The following SYNPO2 variants were observed in gnomAD, a reference collection of about 807,000 sequenced individuals.
SYNPO2 encodes synaptopodin-2.
In SYNPO2, 56 loss-of-function variants were observed where a neutral mutation model predicts 85.0. The observed-to-expected ratio is 0.66, with a 90% CI of 0.53 to 0.82. The LOEUF (loss-of-function observed/expected upper bound fraction) is 0.82. Ranked by LOEUF, SYNPO2 falls within the 40% of genes least tolerant of loss-of-function variation. SYNPO2 has a pLI of 0.00. For missense variants in SYNPO2, 1,575 were observed against 1,534.2 expected, an observed-to-expected ratio of 1.03 and a Z score of -0.44; for synonymous variants, 602 against 591.1, an observed-to-expected ratio of 1.02 and a Z score of -0.27.
intron 1 of SYNPO2, among the ~76,000 whole-genome samples, chr4:119,014,973 A>C (rs1737472759): frequency 6.6e-6 from 1 of 152,240 alleles, no homozygotes; most frequent in Non-Finnish European, 1.5e-5. Context: ...TGTTCAGTGC[A>C]GTCAACTTAA....
At chr4:118,881,569 C>T (rs115912423) in intron 1 of SYNPO2, among the ~76,000 whole-genome samples, 2,001 of 152,304 alleles carry the variant, frequency 0.013, 54 homozygotes, top group African/African-American at 0.046. Flanking sequence ...GGGAGCAAGG[C>T]AACAGCCCTG....
intron 1 of SYNPO2, among the ~76,000 whole-genome samples, chr4:118,860,134 GT>G (rs1731583134): frequency 6.6e-6 from 1 of 152,088 alleles, no homozygotes; most frequent in Admixed American, 6.5e-5. Context: ...TGATATTGTA[GT>G]TTTGATATGC....
At chr4:119,001,812 A>G (rs1736833603) in intron 1 of SYNPO2, among the ~76,000 whole-genome samples, 1 of 151,946 alleles carries the variant, frequency 6.6e-6, no homozygotes, top group South Asian at 2.1e-4. Context: ...ACCTTTGTCT[A>G]GTTTTCTTCT....
At chr4:118,978,083 T>C (rs892014042) in intron 1 of SYNPO2, among the ~76,000 whole-genome samples, 5 of 152,210 alleles carry the variant, frequency 3.3e-5, no homozygotes, top group African/African-American at 4.8e-5. Flanking sequence ...TTTTCTAAGA[T>C]CTTTGGGTGA....
At chr4:118,948,328 C>CT in intron 1 of SYNPO2, among the ~76,000 whole-genome samples, 1 of 152,194 alleles carries the variant, frequency 6.6e-6, no homozygotes, top group Non-Finnish European at 1.5e-5. Context: ...GAAGCAGACA[C>CT]TCAACAACCA....
intron 1 of SYNPO2, among the ~76,000 whole-genome samples, chr4:118,897,962 C>A (rs1732601674): frequency 6.6e-6 from 1 of 152,110 alleles, no homozygotes; most frequent in Non-Finnish European, 1.5e-5. Context: ...AATGTCAAAT[C>A]ATTTTATTTG....
In SYNPO2 at chr4:119,037,172, C is replaced by A. The variant is rs904646395; in HGVS notation, c.3252+5145C>A. 3.2e-6 allele frequency: 5 copies of A among 1,545,208 alleles called. No individual in the cohort carries two copies. The African/African-American group carries it at 4.1e-5, about 13-fold the overall frequency. On this transcript the variant is annotated intron_variant, in intron 4 of 4. Coordinates refer to ENST00000307142, the MANE Select transcript of SYNPO2 (RefSeq NM_133477.3). Reference sequence around the variant, plus strand: ...CATAAGGACCTACTTCCCAGCCTACCTTTCTTCCTCTACCTGATAATGATA... The same window carrying A: ...CATAAGGACCTACTTCCCAGCCTACATTTCTTCCTCTACCTGATAATGATA...
intron 1 of SYNPO2, among the ~76,000 whole-genome samples, chr4:118,870,906 T>A (rs574539449): frequency 2.6e-5 from 4 of 152,292 alleles, no homozygotes; most frequent in Admixed American, 1.3e-4. Flanking sequence ...AAAATTTTTT[T>A]AAAAAGCAGA....
At chr4:119,056,562 A>G (rs1739212577) in intron 4 of SYNPO2, among the ~76,000 whole-genome samples, 1 of 152,136 alleles carries the variant, frequency 6.6e-6, no homozygotes, top group African/African-American at 2.4e-5. Flanking sequence ...ACTCTATATA[A>G]TAATAATTAA....
rs191309808 is a variant in SYNPO2, at chr4:118,857,707, T to G, written c.12+6767T>G. Reference sequence around the variant, plus strand: ...TTCACTGTAAAGTTTAAGTTTGTACTTAATTTCTAATAGAGTAGAACGCTC... The same window carrying G: ...TTCACTGTAAAGTTTAAGTTTGTACGTAATTTCTAATAGAGTAGAACGCTC... On this transcript the variant is annotated intron_variant, in intron 1 of 4. Coordinates refer to the SYNPO2 transcript ENST00000610556. Among the ~76,000 whole-genome samples, 343 of 152,348 alleles carry G rather than the reference T, an allele frequency of 2.3e-3. 2 individuals are homozygous for G. Among genetic ancestry groups the G allele is most frequent in the Non-Finnish European group, 3.5e-3 (237 of 68,042 alleles).
chr4:118,947,656 G>T (rs1458908096), intron 1 of SYNPO2, among the ~76,000 whole-genome samples: 1 of 152,164 alleles, frequency 6.6e-6, no homozygotes, highest in Non-Finnish European at 1.5e-5. Flanking sequence ...TTCTGCTTTA[G>T]AATTGATTCT....
chr4:119,021,078 A>T (rs1435529335), intron 1 of SYNPO2, among the ~76,000 whole-genome samples: 1 of 152,196 alleles, frequency 6.6e-6, no homozygotes, highest in African/African-American at 2.4e-5. Flanking sequence ...ATTCTTCCCC[A>T]AGAGGTAATG....
chr4:118,959,485 A>T (rs2149146757), intron 1 of SYNPO2, among the ~76,000 whole-genome samples: 1 of 152,344 alleles, frequency 6.6e-6, no homozygotes, highest in Admixed American at 6.5e-5. Context: ...GTGGGTGATT[A>T]CCCGTGGGTT....
At chr4:119,033,590 C>T (rs1738375223) in intron 4 of SYNPO2, 1 of 985,242 alleles carries the variant, frequency 1.0e-6, no homozygotes, top group African/African-American at 1.7e-5. Context: ...GTTTAGAGAC[C>T]TCTCAGAAAA....
intron 1 of SYNPO2, among the ~76,000 whole-genome samples, chr4:118,985,953 C>T (rs1229299022): frequency 1.3e-5 from 2 of 152,184 alleles, no homozygotes; most frequent in African/African-American, 4.8e-5. Flanking sequence ...GTGAACAACT[C>T]TTCAGCAATC....
At chr4:118,881,229 G>C (rs1337876865) in intron 1 of SYNPO2, among the ~76,000 whole-genome samples, 2 of 151,574 alleles carry the variant, frequency 1.3e-5, no homozygotes, top group African/African-American at 4.8e-5. Context: ...ATGAACCCGG[G>C]AGGTGGAGGT....
intron 1 of SYNPO2, among the ~76,000 whole-genome samples, chr4:118,853,599 T>C (rs570382813): frequency 2.2e-4 from 29 of 132,708 alleles, no homozygotes; most frequent in African/African-American, 6.2e-4. Flanking sequence ...GAATAATTAA[T>C]GCCTCCTGTT....
At chr4:118,866,468 T>C (rs1731701797) in intron 1 of SYNPO2, among the ~76,000 whole-genome samples, 1 of 152,234 alleles carries the variant, frequency 6.6e-6, no homozygotes, top group Non-Finnish European at 1.5e-5. Context: ...GCTCATATTC[T>C]CAGTCTCTTG....
intron 1 of SYNPO2, among the ~76,000 whole-genome samples, chr4:118,966,276 G>C (rs1195253976): frequency 6.6e-6 from 1 of 152,154 alleles, no homozygotes; most frequent in African/African-American, 2.4e-5. Context: ...GCTCCCTCTG[G>C]CTCCTATACC....
Sources: gnomAD v4.1 joint callset for allele counts (sites outside exome capture counted in the v4.1 genomes callset) on GRCh38, gnomAD v4.1.1 for gene constraint, MANE v1.5 for transcripts, NCBI Gene and HGNC (gene_info 2026-07-23, HGNC 2026-07-21) for gene names.